TEX14: variants seen among roughly 807,000 people sequenced by gnomAD.
The protein encoded by TEX14 is testis expressed 14, intercellular bridge forming factor, also known as inactive serine/threonine-protein kinase TEX14.
Under a neutral mutation model 178.6 loss-of-function variants are expected in TEX14, and 168 were observed. The observed-to-expected ratio is 0.94, with a 90% confidence interval of 0.83 to 1.07. The LOEUF (loss-of-function observed/expected upper bound fraction) is 1.07. TEX14 is among the 50% of genes least tolerant of loss of function. The pLI, the probability that TEX14 is intolerant of heterozygous loss-of-function variation, is 0.00. For missense variants in TEX14, 1,730 were observed against 1,753.6 expected (o/e 0.99, Z 0.24); for synonymous variants, 626 against 634.1 (o/e 0.99, Z 0.19).
At chr17:58,627,073 T>C (rs1056005421) in intron 3 of TEX14, among the ~76,000 whole-genome samples, 1 of 152,180 alleles carries the variant, frequency 6.6e-6, no homozygotes, top group Non-Finnish European at 1.5e-5. Flanking sequence ...TTCCACTTCC[T>C]TCCTGGCATT....
intron 8 of TEX14, 47 bp downstream of exon 8, chr17:58,615,185 C>T: frequency 8.9e-7 from 1 of 1,123,646 alleles, no homozygotes; most frequent in Non-Finnish European, 1.3e-6. Flanking sequence ...GAACCTGAGT[C>T]TGTAGAGAGA....
At chr17:58,684,247 A>T (rs976131231) in intron 1 of TEX14, among the ~76,000 whole-genome samples, 1 of 151,792 alleles carries the variant, frequency 6.6e-6, no homozygotes, top group African/African-American at 2.4e-5. Flanking sequence ...GGATCACCTG[A>T]GGTCAGGAGC....
intron 27 of TEX14, 126 bp from the exon 28 acceptor site, chr17:58,565,094 C>A: frequency 2.0e-6 from 1 of 501,634 alleles, no homozygotes; most frequent in Non-Finnish European, 3.5e-6. Flanking sequence ...ATTAGCTCCC[C>A]TCTTCCCAGG....
chr17:58,577,840 A>C (rs775721702), intron 20 of TEX14, among the ~76,000 whole-genome samples: 67 of 152,250 alleles, frequency 4.4e-4, no homozygotes, highest in Non-Finnish European at 7.5e-4. Flanking sequence ...TTTGTTAACT[A>C]AACAGCCCCG....
chr17:58,641,283 G>A (rs1169751751), intron 2 of TEX14, among the ~76,000 whole-genome samples: 1 of 151,812 alleles, frequency 6.6e-6, no homozygotes, highest in Non-Finnish European at 1.5e-5. Flanking sequence ...GGTGGCACAT[G>A]CCTGTAATCC....
intron 10 of TEX14, among the ~76,000 whole-genome samples, chr17:58,605,883 C>G (rs994289811): frequency 3.3e-5 from 5 of 152,190 alleles, no homozygotes; most frequent in African/African-American, 1.2e-4. Context: ...TCTAGAGAGT[C>G]AGCTCCATGA....
intron 1 of TEX14, among the ~76,000 whole-genome samples, chr17:58,681,647 C>A (rs1310016654): frequency 6.6e-6 from 1 of 151,920 alleles, no homozygotes; most frequent in Non-Finnish European, 1.5e-5. Context: ...GCCAGGAGTT[C>A]GAGACCAGCC....
intron 13 of TEX14, among the ~76,000 whole-genome samples, chr17:58,600,652 C>G (rs937158728): frequency 2.6e-5 from 4 of 151,644 alleles, no homozygotes; most frequent in Admixed American, 2.6e-4. Context: ...TAGGATTGAC[C>G]ACCCACCACC....
At position 58,624,271 on chromosome 17, in the gene TEX14, A is replaced by G. The variant is rs182033234; in HGVS notation, c.252-1259T>C. Among the ~76,000 whole-genome samples, 99 of 151,140 alleles carry G rather than the reference A, an allele frequency of 6.6e-4. 1 individual carries two copies. The highest frequency in any genetic ancestry group is 2.3e-3 in the African/African-American group (97 of 41,296). On this transcript the variant is annotated intron_variant, in intron 3 of 31. Coordinates refer to ENST00000349033, the MANE Select transcript of TEX14 (RefSeq NM_031272.5). Reference sequence around the variant, plus strand: ...TCATGCCACTGCACTCCAGCCTGGGAGACAGAGCGAGACTCTGAATACACT... The same window carrying G: ...TCATGCCACTGCACTCCAGCCTGGGGGACAGAGCGAGACTCTGAATACACT...
chr17:58,681,989 T>C (rs1191708982), intron 1 of TEX14, among the ~76,000 whole-genome samples: 1 of 152,216 alleles, frequency 6.6e-6, no homozygotes, highest in East Asian at 1.9e-4. Flanking sequence ...GATTTGTGAC[T>C]AGCAGTGCCT....
rs545039294 is a variant in TEX14, at chr17:58,564,445, T to C, written c.4064+424A>G. 4.6e-5 allele frequency among the ~76,000 whole-genome samples: 7 copies of C among 152,322 alleles called. No homozygotes were observed. In the South Asian group the frequency reaches 6.2e-4, roughly 14 times the overall value. On this transcript the variant is annotated intron_variant, in intron 28 of 31. Coordinates refer to ENST00000349033, the MANE Select transcript of TEX14 (RefSeq NM_031272.5). ...GACAAATACTGTATGATTTCACTTA[T>C]GTAAAGTATCAACAGTAGTCAAACT...
intron 14 of TEX14, among the ~76,000 whole-genome samples, chr17:58,598,008 T>C (rs1483820262): frequency 2.6e-5 from 4 of 152,040 alleles, no homozygotes; most frequent in African/African-American, 9.7e-5. Flanking sequence ...TTGTGGCTTA[T>C]TCATCATCAG....
chr17:58,649,853 C>G (rs969225698), intron 2 of TEX14, among the ~76,000 whole-genome samples: 10 of 152,012 alleles, frequency 6.6e-5, no homozygotes, highest in African/African-American at 2.4e-4. Flanking sequence ...GATTCTCCTG[C>G]CTCGGCCTCC....
intron 1 of TEX14, chr17:58,666,391 G>A (rs1465920770): frequency 2.1e-5 from 3 of 141,844 alleles, no homozygotes; most frequent in Non-Finnish European, 4.5e-5. Context: ...AAAGAAGGCT[G>A]AGCGCATGAA....
Position 58,602,581 on chromosome 17 carries a change from G to T in TEX14, c.1346C>A (p.Pro449His), listed in dbSNP as rs200771825. The change falls in exon 12 of 32, where the codon CCC becomes CAC. Residue 449 changes from proline (P) to histidine (H), a missense_variant. Pro to His is a moderately conservative substitution (Grantham distance 77, BLOSUM62 -2). This residue lies in a region of TEX14 where 789 missense variants were observed against 681.2 expected (regional missense o/e 1.16). Coordinates refer to ENST00000349033, the MANE Select transcript of TEX14 (RefSeq NM_031272.5). The part of the protein sequence containing the change: ...IMQEILTDDI[P>H]WKGLDGSVVK... ...AACTGAGCCATCTAAGCCCTTCCAG[G>T]GTATGTCATCTGTAAGGAAAAAGTC... The T allele has an allele frequency of 3.1e-6, 5 of 1,610,808 alleles. No homozygotes were observed. Among genetic ancestry groups the T allele is most frequent in the South Asian group, 2.2e-5 (2 of 90,692 alleles).
chr17:58,661,453 G>T, intron 1 of TEX14: 1 of 788,434 alleles, frequency 1.3e-6, no homozygotes, highest in Non-Finnish European at 2.4e-6. Context: ...TGTCAAGGAG[G>T]TCGAGGCCCT....
rs961472576 is a variant in TEX14, at chr17:58,617,481, G to A, written c.636+57C>T. ...GAGTTGGACAAAGGTGGGAGATGGGGCCCGATGATTCTCCAGTTAGTCCTG... is the reference window on the plus strand; with the variant it reads ...GAGTTGGACAAAGGTGGGAGATGGGACCCGATGATTCTCCAGTTAGTCCTG... On this transcript the variant is annotated intron_variant, in intron 6 of 31. Coordinates refer to ENST00000349033, the MANE Select transcript of TEX14 (RefSeq NM_031272.5). 7.7e-6 allele frequency: 10 copies of A among 1,297,532 alleles called. No homozygotes were observed. In the African/African-American group the frequency reaches 1.3e-4, roughly 17 times the overall value. 80.4% of individuals were successfully genotyped at this position (1,297,532 alleles called of 1,614,324 possible).
At chr17:58,676,301 T>C (rs2047394015) in intron 1 of TEX14, among the ~76,000 whole-genome samples, 1 of 150,736 alleles carries the variant, frequency 6.6e-6, no homozygotes, top group Non-Finnish European at 1.5e-5. Flanking sequence ...ACTTGAACCC[T>C]GGGGGCAGAG....
In TEX14 at chr17:58,601,903, T is replaced by C. The variant is rs1460851011; in HGVS notation, c.1581A>G (p.Arg527=). ...TQPTESPRVQ[R]YGLHPDVNVY... ...CATTGACATCGGGATGGAGTCCGTATCTCTGCACTCTGGGGCTCTCGGTTG... is the reference window on the plus strand; with the variant it reads ...CATTGACATCGGGATGGAGTCCGTACCTCTGCACTCTGGGGCTCTCGGTTG... Residue 527 remains arginine, a synonymous_variant, in exon 13 of 32, where the codon AGA becomes AGG. Coordinates refer to ENST00000349033, the MANE Select transcript of TEX14 (RefSeq NM_031272.5). 1.9e-6 allele frequency: 3 copies of C among 1,613,326 alleles called. No individual in the cohort carries two copies. In the East Asian group the frequency reaches 6.7e-5, roughly 36 times the overall value.
Sources: gnomAD v4.1 joint callset for allele counts (sites outside exome capture counted in the v4.1 genomes callset) on GRCh38, gnomAD v4.1.1 for gene constraint, gnomAD v4.1.1 regional missense constraint, MANE v1.5 for transcripts, NCBI Gene and HGNC (gene_info 2026-07-23, HGNC 2026-07-21) for gene names.